The following MSRA variants were observed in gnomAD, a reference collection of about 807,000 sequenced individuals.
MSRA encodes methionine sulfoxide reductase A, also known as mitochondrial peptide methionine sulfoxide reductase.
Under a neutral mutation model 31.3 loss-of-function variants are expected in MSRA, and 54 were observed. The observed-to-expected ratio is 1.73, with a 90% confidence interval of 1.39 to 2.17. MSRA has a LOEUF of 2.17. MSRA is among the 30% of genes most tolerant of loss of function. The probability of loss-of-function intolerance (pLI) is 0.00; values close to 1 mark genes in which losing one functional copy is unlikely to be tolerated. For missense variants in MSRA, 507 were observed against 300.9 expected (o/e 1.69, Z -5.07); for synonymous variants, 169 against 116.5 (o/e 1.45, Z -2.90).
chr8:10,083,908 G>A (rs1328347311), intron 1 of MSRA, among the ~76,000 whole-genome samples: 1 of 152,178 alleles, frequency 6.6e-6, no homozygotes, highest in African/African-American at 2.4e-5. Flanking sequence ...AGTCCTAAGT[G>A]AGTACTTTGA....
At chr8:10,294,042 A>T (rs1309704009) in intron 3 of MSRA, among the ~76,000 whole-genome samples, 2 of 152,002 alleles carry the variant, frequency 1.3e-5, no homozygotes, top group African/African-American at 4.8e-5. Context: ...CATCTCTACT[A>T]AAAATACAAA....
intron 1 of MSRA, among the ~76,000 whole-genome samples, chr8:10,108,219 C>A (rs1163350922): frequency 6.6e-6 from 1 of 152,224 alleles, no homozygotes; most frequent in African/African-American, 2.4e-5. Flanking sequence ...CTGTTGCAAA[C>A]ATTCACATCA....
At chr8:10,289,122 T>C (rs1446207947) in intron 3 of MSRA, among the ~76,000 whole-genome samples, 15 of 152,062 alleles carry the variant, frequency 9.9e-5, no homozygotes, top group Admixed American at 9.8e-4. Flanking sequence ...TTCAAGCCAT[T>C]CTCCTGCCTC....
chr8:10,155,000 T>TATATATATATATATATATA lies in MSRA; in HGVS notation c.143-52833_143-52832insATATATATATATATATATA, dbSNP rs1554468796. On this transcript the variant is annotated intron_variant, in intron 1 of 5. Coordinates refer to ENST00000317173, the MANE Select transcript of MSRA (RefSeq NM_012331.5). Reference sequence around the variant, plus strand: ...TTAATAGTTTGATAATGTGTATATATTTTATATATATATAGGTTTTACCTT... The same window carrying TATATATATATATATATATA: ...TTAATAGTTTGATAATGTGTATATATATATATATATATATATATATTTATATATATATAGGTTTTACCTT... Among the ~76,000 whole-genome samples the TATATATATATATATATATA allele has an allele frequency of 4.1e-5, 4 of 98,376 alleles. 1 individual carries two copies. Among genetic ancestry groups the TATATATATATATATATATA allele is most frequent in the South Asian group, 3.8e-4 (1 of 2,616 alleles). The allele number at this position is 98,376 out of a possible 152,430, so 64.5% of individuals were successfully genotyped here.
intron 3 of MSRA, among the ~76,000 whole-genome samples, chr8:10,254,865 T>C (rs1798095349): frequency 6.6e-6 from 1 of 152,230 alleles, no homozygotes; most frequent in Non-Finnish European, 1.5e-5. Flanking sequence ...TTATAAAAAA[T>C]AATCTAGAGA....
intron 5 of MSRA, among the ~76,000 whole-genome samples, chr8:10,409,889 C>T (rs1808051642): frequency 6.6e-6 from 1 of 152,150 alleles, no homozygotes; most frequent in East Asian, 1.9e-4. Context: ...TAGACCCTGT[C>T]TCTACAGAAA....
At chr8:10,424,431 G>A (rs1025712755) in intron 5 of MSRA, among the ~76,000 whole-genome samples, 3 of 151,436 alleles carry the variant, frequency 2.0e-5, no homozygotes, top group Non-Finnish European at 2.9e-5. Flanking sequence ...GGGGAGAAGG[G>A]CCTGGGGTGG....
intron 5 of MSRA, among the ~76,000 whole-genome samples, chr8:10,390,982 A>AAG (rs1185848092): frequency 6.6e-6 from 1 of 151,454 alleles, no homozygotes; most frequent in Non-Finnish European, 1.5e-5. Flanking sequence ...CTCAAAAGAA[A>AAG]AAAAAAAAAA....
intron 3 of MSRA, among the ~76,000 whole-genome samples, chr8:10,290,366 G>C (rs1206221642): frequency 6.6e-6 from 1 of 152,142 alleles, no homozygotes; most frequent in African/African-American, 2.4e-5. Flanking sequence ...CTGGAGGTTG[G>C]AGTGGGCTAA....
At chr8:10,354,209 A>G (rs558030599) in intron 5 of MSRA, among the ~76,000 whole-genome samples, 1 of 152,366 alleles carries the variant, frequency 6.6e-6, no homozygotes, top group African/African-American at 2.4e-5. Flanking sequence ...AGGAAAGCCC[A>G]CTGTCCAGTA....
chr8:10,401,428 G>A (rs1199875218), intron 5 of MSRA, among the ~76,000 whole-genome samples: 1 of 152,198 alleles, frequency 6.6e-6, no homozygotes, highest in Non-Finnish European at 1.5e-5. Context: ...TGTTGGTGAG[G>A]ATGTGGAGAA....
At chr8:10,232,936 T>A (rs546044435) in intron 2 of MSRA, among the ~76,000 whole-genome samples, 3 of 152,230 alleles carry the variant, frequency 2.0e-5, no homozygotes, top group Non-Finnish European at 4.4e-5. Context: ...GATGTAAGTT[T>A]GAATATTTTT....
chr8:10,341,951 C>A (rs1287916050), intron 5 of MSRA, among the ~76,000 whole-genome samples: 1 of 152,176 alleles, frequency 6.6e-6, no homozygotes, highest in Admixed American at 6.5e-5. Flanking sequence ...CCTCCTGTGA[C>A]ATAAGCTGTG....
At chr8:10,139,571 C>T (rs949637157) in intron 1 of MSRA, among the ~76,000 whole-genome samples, 3 of 152,266 alleles carry the variant, frequency 2.0e-5, no homozygotes, top group South Asian at 2.1e-4. Flanking sequence ...TCTCTATGTC[C>T]ATGTATACAC....
At chr8:10,225,007 G>A (rs753733823) in intron 2 of MSRA, among the ~76,000 whole-genome samples, 26 of 152,092 alleles carry the variant, frequency 1.7e-4, no homozygotes, top group Non-Finnish European at 3.1e-4. Flanking sequence ...CCGTGGTGGC[G>A]CATGCCTGTA....
chr8:10,279,175 T>C (rs148664920), intron 3 of MSRA, among the ~76,000 whole-genome samples: 72 of 152,334 alleles, frequency 4.7e-4, no homozygotes, highest in African/African-American at 1.7e-3. Context: ...TTAGTAAAAG[T>C]AGGGAATGTA....
intron 1 of MSRA, among the ~76,000 whole-genome samples, chr8:10,114,121 A>T (rs60066541): frequency 1.3e-5 from 2 of 152,264 alleles, no homozygotes; most frequent in Non-Finnish European, 2.9e-5. Flanking sequence ...TGGTTCATCT[A>T]TGTTGCAGCA....
chr8:10,082,423 T>C (rs1798341483), intron 1 of MSRA, among the ~76,000 whole-genome samples: 1 of 152,158 alleles, frequency 6.6e-6, no homozygotes, highest in Admixed American at 6.5e-5. Flanking sequence ...AGGGCGAAGC[T>C]GTCCACCTTC....
At chr8:10,386,203 C>T (rs1026045297) in intron 5 of MSRA, among the ~76,000 whole-genome samples, 2 of 152,182 alleles carry the variant, frequency 1.3e-5, no homozygotes, top group African/African-American at 4.8e-5. Flanking sequence ...CAAACAGAAG[C>T]TGGACCTCGG....
Sources: allele counts gnomAD v4.1 joint callset (sites outside exome capture counted in the v4.1 genomes callset), GRCh38; gene constraint gnomAD v4.1.1; transcripts MANE v1.5; gene names NCBI Gene and HGNC (gene_info 2026-07-23, HGNC 2026-07-21).